COBLL1: variants seen among roughly 807,000 people sequenced by gnomAD.
COBLL1 encodes cordon-bleu WH2 repeat protein like 1.
A neutral mutation model predicts 94.8 loss-of-function variants in COBLL1; 50 were observed. The observed-to-expected ratio is 0.53, with a 90% CI of 0.42 to 0.67. The LOEUF is 0.67. Among genes scored for constraint, COBLL1 ranks in the 30% least tolerant of loss-of-function variants. The pLI is 0.00. For missense variants in COBLL1, 1,362 were observed against 1,348.7 expected (o/e 1.01, Z -0.15); for synonymous variants, 448 against 473.8 (o/e 0.95, Z 0.71).
intron 2 of COBLL1, among the ~76,000 whole-genome samples, chr2:164,774,865 C>T (rs79641180): frequency 7.7e-6 from 1 of 130,194 alleles, no homozygotes. Flanking sequence ...TCACTTTTTT[C>T]AAAAAAAAAA....
At chr2:164,701,705 G>C (rs566596164) in intron 9 of COBLL1, among the ~76,000 whole-genome samples, 4 of 152,026 alleles carry the variant, frequency 2.6e-5, no homozygotes, top group Non-Finnish European at 5.9e-5. Flanking sequence ...ACAACCAGTA[G>C]CCAGCAGGGT....
At chr2:164,700,469 CTAGTAT>C in intron 10 of COBLL1, 47 bp downstream of exon 10, 1 of 1,063,806 alleles carries the variant, frequency 9.4e-7, no homozygotes, top group South Asian at 1.4e-5. Flanking sequence ...TTTCAGAAGA[CTAGTAT>C]TAATTAAACT....
intron 2 of COBLL1, among the ~76,000 whole-genome samples, chr2:164,780,816 T>C (rs1574575734): frequency 6.6e-6 from 1 of 152,056 alleles, no homozygotes; most frequent in Non-Finnish European, 1.5e-5. Context: ...ACAGACAGAG[T>C]GTAAATGCTG....
intron 11 of COBLL1, chr2:164,697,016 C>T (rs968026405): frequency 3.3e-5 from 5 of 151,966 alleles, no homozygotes; most frequent in South Asian, 2.1e-4. Flanking sequence ...ATGAAGTACA[C>T]TGCCTAAAAT....
intron 2 of COBLL1, among the ~76,000 whole-genome samples, chr2:164,769,190 T>A (rs1476695062): frequency 1.3e-5 from 2 of 152,180 alleles, no homozygotes; most frequent in African/African-American, 4.8e-5. Flanking sequence ...CTTAAAAGCA[T>A]GCGGGGTTAG....
At chr2:164,772,799 A>G (rs1688269619) in intron 2 of COBLL1, among the ~76,000 whole-genome samples, 1 of 152,094 alleles carries the variant, frequency 6.6e-6, no homozygotes, top group South Asian at 2.1e-4. Context: ...TTAAGGGATG[A>G]AGTTAACGCA....
Position 164,695,713 on chromosome 2 carries a change from T to C in COBLL1, c.1679A>G (p.Glu560Gly), listed in dbSNP as rs778086963. 6.2e-7 allele frequency: 1 copy of C among 1,613,896 alleles called. No individual in the cohort carries two copies. Among genetic ancestry groups the C allele is most frequent in the South Asian group, 1.1e-5 (1 of 91,050 alleles). The change falls in exon 12 of 14, where the codon GAG (glutamate) becomes GGG (glycine). Residue 560 changes from glutamate to glycine, a missense_variant. Transcript: ENST00000652658. ...AKNNNIDMEV[E>G]RPSNSEAHET... is the part of the protein sequence containing the mutation. ...ATGTGCCTCAGAGTTTGATGGTCTC[T>C]CAACTTCCATATCAATGTTGTTATT...
chr2:164,725,374 T>C (rs2105508613), intron 5 of COBLL1, among the ~76,000 whole-genome samples: 1 of 152,056 alleles, frequency 6.6e-6, no homozygotes, highest in East Asian at 1.9e-4. Flanking sequence ...AGATGAAAAA[T>C]TCATATGGTT....
At chr2:164,668,687 T>C (rs188730961) in intron 1 of COBLL1, among the ~76,000 whole-genome samples, 1 of 152,358 alleles carries the variant, frequency 6.6e-6, no homozygotes, top group Admixed American at 6.5e-5. Context: ...GCCTGTATAT[T>C]TAGTGCCCTG....
intron 3 of COBLL1, chr2:164,743,165 G>A (rs1384477315): frequency 6.6e-6 from 1 of 151,910 alleles, no homozygotes; most frequent in African/African-American, 2.4e-5. Flanking sequence ...ATCATTCAAT[G>A]AAATAAAAAA....
At chr2:164,822,914 A>G (rs1227092368) in intron 2 of COBLL1, among the ~76,000 whole-genome samples, 1 of 151,962 alleles carries the variant, frequency 6.6e-6, no homozygotes, top group Non-Finnish European at 1.5e-5. Context: ...GATTACAGGC[A>G]TGCACCACCA....
intron 2 of COBLL1, among the ~76,000 whole-genome samples, chr2:164,794,761 A>G (rs923089045): frequency 1.4e-5 from 2 of 144,894 alleles, no homozygotes; most frequent in South Asian, 2.1e-4. Flanking sequence ...CAACCCCCTC[A>G]TGAAGACTGA....
chr2:164,777,798 G>A (rs2105267044), intron 2 of COBLL1, among the ~76,000 whole-genome samples: 2 of 152,248 alleles, frequency 1.3e-5, no homozygotes, highest in Middle Eastern at 6.8e-3. Flanking sequence ...CTGGAGAAAA[G>A]GCTAGCAATA....
chr2:164,676,381 T>C (rs1325420629), downstream of COBLL1, among the ~76,000 whole-genome samples: 2 of 152,180 alleles, frequency 1.3e-5, no homozygotes, highest in Non-Finnish European at 2.9e-5. Flanking sequence ...GACCTTTATT[T>C]GCAGAGTCTC....
chr2:164,817,555 C>CTCAATGCA (rs1272863074), intron 2 of COBLL1, among the ~76,000 whole-genome samples: 4 of 152,090 alleles, frequency 2.6e-5, no homozygotes, highest in Non-Finnish European at 5.9e-5. Context: ...CCTCAATCTC[C>CTCAATGCA]AACATTTATG....
chr2:164,711,646 T>C (rs939706800), intron 7 of COBLL1, among the ~76,000 whole-genome samples: 1 of 152,222 alleles, frequency 6.6e-6, no homozygotes, highest in Non-Finnish European at 1.5e-5. Flanking sequence ...GTACATACAT[T>C]TGAAATGTCT....
chr2:164,825,192 G>A (rs1243627101), intron 2 of COBLL1, among the ~76,000 whole-genome samples: 1 of 152,030 alleles, frequency 6.6e-6, no homozygotes, highest in Non-Finnish European at 1.5e-5. Context: ...TAAGCCACTG[G>A]TCACTGTTCT....
At chr2:164,720,566 ACT>A (rs1685393478) in intron 7 of COBLL1, among the ~76,000 whole-genome samples, 1 of 152,076 alleles carries the variant, frequency 6.6e-6, no homozygotes, top group African/African-American at 2.4e-5. Flanking sequence ...TATAATTTAC[ACT>A]CTTCTATGAT....
intron 13 of COBLL1, among the ~76,000 whole-genome samples, chr2:164,691,500 G>T (rs886503347): frequency 6.6e-6 from 1 of 152,122 alleles, no homozygotes; most frequent in African/African-American, 2.4e-5. Context: ...GACAAGAGAG[G>T]TTTAGGGAGA....
Sources: gnomAD v4.1 joint callset for allele counts (sites outside exome capture counted in the v4.1 genomes callset) on GRCh38, gnomAD v4.1.1 for gene constraint, MANE v1.5 for transcripts, NCBI Gene and HGNC (gene_info 2026-07-23, HGNC 2026-07-21) for gene names.